The following CNTN4 variants were observed in gnomAD, a reference collection of about 807,000 sequenced individuals.
CNTN4 encodes contactin 4, also known as contactin-4.
A neutral mutation model predicts 122.5 loss-of-function variants in CNTN4; 77 were observed. The ratio of observed to expected loss-of-function variants is 0.63; its 90% CI spans 0.52 to 0.76. The LOEUF is 0.76. Ranked by LOEUF, CNTN4 falls within the 30% of genes least tolerant of loss-of-function variation. The pLI, the probability that CNTN4 is intolerant of heterozygous loss-of-function variation, is 0.00. For missense variants in CNTN4, 1,256 were observed against 1,259.1 expected (o/e 1.00, Z 0.04); for synonymous variants, 512 against 447.0 (o/e 1.15, Z -1.83).
chr3:2,995,514 A>G (rs577201123), intron 14 of CNTN4, among the ~76,000 whole-genome samples: 6 of 152,130 alleles, frequency 3.9e-5, no homozygotes, highest in Non-Finnish European at 8.8e-5. Context: ...GGAAGATGTA[A>G]TTCCTTAACT....
At chr3:2,267,417 A>G (rs2041097278) in intron 2 of CNTN4, among the ~76,000 whole-genome samples, 1 of 152,120 alleles carries the variant, frequency 6.6e-6, no homozygotes, top group African/African-American at 2.4e-5. Flanking sequence ...GATGTATACA[A>G]ATCAAAGCAG....
At chr3:2,279,002 A>G (rs2041619419) in intron 2 of CNTN4, among the ~76,000 whole-genome samples, 1 of 151,998 alleles carries the variant, frequency 6.6e-6, no homozygotes, top group Admixed American at 6.5e-5. Flanking sequence ...CCATCAAGTT[A>G]AAATTAAGGT....
intron 15 of CNTN4, among the ~76,000 whole-genome samples, chr3:3,029,681 T>C (rs560300100): frequency 1.3e-4 from 20 of 152,182 alleles, no homozygotes; most frequent in East Asian, 3.9e-4. Context: ...ACAGGGACTA[T>C]ATGGGTTCAA....
intron 6 of CNTN4, among the ~76,000 whole-genome samples, chr3:2,751,025 G>A (rs1309126473): frequency 6.6e-6 from 1 of 152,168 alleles, no homozygotes; most frequent in Non-Finnish European, 1.5e-5. Flanking sequence ...CTTATGGCCA[G>A]GCGCGATGGC....
At chr3:2,817,399 G>T (rs1201007008) in intron 6 of CNTN4, among the ~76,000 whole-genome samples, 1 of 152,172 alleles carries the variant, frequency 6.6e-6, no homozygotes, top group East Asian at 1.9e-4. Flanking sequence ...TCCATTTGCT[G>T]TATAGGTAGG....
chr3:2,153,228 C>T (rs1411146273), intron 2 of CNTN4, among the ~76,000 whole-genome samples: 1 of 152,090 alleles, frequency 6.6e-6, no homozygotes, highest in Non-Finnish European at 1.5e-5. Context: ...AACCTCAAGG[C>T]AAATGAGATC....
At chr3:2,184,669 G>A (rs1237941182) in intron 2 of CNTN4, among the ~76,000 whole-genome samples, 1 of 152,052 alleles carries the variant, frequency 6.6e-6, no homozygotes, top group Non-Finnish European at 1.5e-5. Context: ...GCTTGATGGG[G>A]CGAGTTACCC....
At chr3:2,600,483 G>A (rs2080991566) in intron 4 of CNTN4, among the ~76,000 whole-genome samples, 2 of 152,212 alleles carry the variant, frequency 1.3e-5, no homozygotes, top group African/African-American at 4.8e-5. Context: ...AGTTTGCTCA[G>A]AATGATGGTT....
At chr3:2,471,003 A>AT (rs2075666160) in intron 3 of CNTN4, among the ~76,000 whole-genome samples, 1 of 152,244 alleles carries the variant, frequency 6.6e-6, no homozygotes, top group Non-Finnish European at 1.5e-5. Flanking sequence ...TAACTGTTAC[A>AT]TAAGACTCTG....
chr3:2,497,879 C>T (rs937711772), intron 3 of CNTN4, among the ~76,000 whole-genome samples: 5 of 152,078 alleles, frequency 3.3e-5, no homozygotes, highest in South Asian at 2.1e-4. Flanking sequence ...TCAATATGAT[C>T]GGCACCACAT....
intron 14 of CNTN4, among the ~76,000 whole-genome samples, chr3:3,004,973 G>C (rs917440829): frequency 3.3e-5 from 5 of 152,192 alleles, no homozygotes; most frequent in Admixed American, 2.0e-4. Context: ...TAAAATTCAA[G>C]AGGCAGCCCT....
intron 2 of CNTN4, among the ~76,000 whole-genome samples, chr3:2,224,002 G>A (rs1179602055): frequency 1.3e-5 from 2 of 152,078 alleles, no homozygotes; most frequent in Non-Finnish European, 2.9e-5. Flanking sequence ...AGGGTGAGGT[G>A]AATACAGGAT....
At chr3:2,154,422 T>G (rs2035630338) in intron 2 of CNTN4, among the ~76,000 whole-genome samples, 1 of 152,130 alleles carries the variant, frequency 6.6e-6, no homozygotes, top group South Asian at 2.1e-4. Context: ...TTTTTCTCCT[T>G]TCCAAATTAT....
intron 6 of CNTN4, among the ~76,000 whole-genome samples, chr3:2,756,613 G>A (rs2090350111): frequency 6.6e-6 from 1 of 152,184 alleles, no homozygotes; most frequent in African/African-American, 2.4e-5. Context: ...GGTCTTTCCA[G>A]ATGTAATTAA....
intron 4 of CNTN4, among the ~76,000 whole-genome samples, chr3:2,721,380 A>G (rs746968884): frequency 3.3e-5 from 5 of 152,166 alleles, no homozygotes; most frequent in African/African-American, 4.8e-5. Flanking sequence ...TTGGGGCCTC[A>G]CTGTATTTGT....
intron 13 of CNTN4, among the ~76,000 whole-genome samples, chr3:2,951,087 G>C (rs1256270415): frequency 6.6e-6 from 1 of 152,122 alleles, no homozygotes; most frequent in Non-Finnish European, 1.5e-5. Flanking sequence ...GGTTATATGA[G>C]GTAACCCACG....
chr3:2,286,857 G>T (rs1034769019), intron 2 of CNTN4, among the ~76,000 whole-genome samples: 4 of 152,150 alleles, frequency 2.6e-5, no homozygotes, highest in African/African-American at 9.7e-5. Context: ...AAAAAAAGCC[G>T]GAATGAGTTA....
intron 6 of CNTN4, among the ~76,000 whole-genome samples, chr3:2,814,807 G>A (rs928168231): frequency 2.5e-4 from 38 of 152,160 alleles, no homozygotes; most frequent in Admixed American, 1.1e-3. Context: ...CTGCACCTCC[G>A]TGAGCTTCAG....
chr3:2,669,511 T>C (rs1375772937), intron 4 of CNTN4, among the ~76,000 whole-genome samples: 1 of 152,232 alleles, frequency 6.6e-6, no homozygotes, highest in Non-Finnish European at 1.5e-5. Flanking sequence ...GCTAGCAGTC[T>C]ATCAATTTTG....
Sources: allele counts gnomAD v4.1 joint callset (sites outside exome capture counted in the v4.1 genomes callset), GRCh38; gene constraint gnomAD v4.1.1; transcripts MANE v1.5; gene names NCBI Gene and HGNC (gene_info 2026-07-23, HGNC 2026-07-21).